Variants in EHMT1 observed in about 807,000 individuals in gnomAD.
EHMT1 encodes the protein histone-lysine N-methyltransferase EHMT1.
In EHMT1, 15 loss-of-function variants were observed where a neutral mutation model predicts 147.2. The ratio of observed to expected loss-of-function variants is 0.10; its 90% CI spans 0.07 to 0.16. The LOEUF (loss-of-function observed/expected upper bound fraction) is 0.16, where lower values mean the gene tolerates loss of function less well. Ranked by LOEUF, EHMT1 falls within the 10% of genes least tolerant of loss-of-function variation. EHMT1 has a pLI of 1.00. For synonymous variants in EHMT1, 795 were observed against 709.6 expected (o/e 1.12, Z -1.91); for missense variants, 1,587 against 1,772.4 (o/e 0.90, Z 1.88).
intron 19 of EHMT1, among the ~76,000 whole-genome samples, chr9:137,811,860 A>C (rs1334338545): frequency 6.6e-6 from 1 of 152,134 alleles, no homozygotes; most frequent in Non-Finnish European, 1.5e-5. Context: ...CCCAAGTTGG[A>C]GTCTCAGACC....
chr9:137,811,686 A>T, intron 19 of EHMT1, 71 bp downstream of exon 19: 1 of 1,590,892 alleles, frequency 6.3e-7, no homozygotes, highest in Admixed American at 1.7e-5. Flanking sequence ...ACCGCTTGAC[A>T]GTCTTGTGTT....
intron 1 of EHMT1, among the ~76,000 whole-genome samples, chr9:137,637,118 C>T (rs916986348): frequency 2.0e-5 from 3 of 151,896 alleles, no homozygotes; most frequent in South Asian, 2.1e-4. Flanking sequence ...AGGATGGTCT[C>T]GATCTCCTGA....
intron 5 of EHMT1, 94 bp from the exon 6 acceptor site, chr9:137,743,808 C>G: frequency 6.9e-7 from 1 of 1,445,076 alleles, no homozygotes; most frequent in South Asian, 1.3e-5. Context: ...CAGGCCCTTG[C>G]ACCTCCCAGT....
chr9:137,678,976 T>C (rs978676338), intron 1 of EHMT1, among the ~76,000 whole-genome samples: 3 of 152,088 alleles, frequency 2.0e-5, no homozygotes, highest in Non-Finnish European at 4.4e-5. Flanking sequence ...TTTTTTGAGA[T>C]GGAGTCTGGC....
intron 18 of EHMT1, among the ~76,000 whole-genome samples, chr9:137,805,512 G>A (rs1953873765): frequency 6.6e-6 from 1 of 152,208 alleles, no homozygotes; most frequent in South Asian, 2.1e-4. Context: ...GGCAAGTACT[G>A]TCCTTTCTTG....
intron 25 of EHMT1, among the ~76,000 whole-genome samples, chr9:137,822,860 T>C (rs1167053527): frequency 4.0e-5 from 6 of 149,072 alleles, no homozygotes; most frequent in Non-Finnish European, 5.9e-5. Flanking sequence ...GCCATTGCAC[T>C]GTAGGCCTGG....
chr9:137,749,219 T>C (rs192343705), intron 6 of EHMT1, among the ~76,000 whole-genome samples: 1 of 152,330 alleles, frequency 6.6e-6, no homozygotes, highest in African/African-American at 2.4e-5. Context: ...CCTGTTTCAC[T>C]TGGGTGTCAG....
At position 137,732,604 on chromosome 9, in the gene EHMT1, A is replaced by T. The variant is rs1277752376; in HGVS notation, c.823+4075A>T. On this transcript the variant is annotated intron_variant, in intron 4 of 26. Coordinates refer to ENST00000460843, the MANE Select transcript of EHMT1 (RefSeq NM_024757.5). The surrounding 1 kb of genome is among the most constrained non-coding windows in gnomAD (Gnocchi z 4.6). ...TGGTCCATGGGTAGGTCTGGAAAAA[A>T]CACCATTTGATTGGCTAAAAGGCAT... Among the ~76,000 whole-genome samples, 1 of 152,098 alleles carries T rather than the reference A, an allele frequency of 6.6e-6. No individual in the cohort carries two copies. Among genetic ancestry groups the T allele is most frequent in the African/African-American group, 2.4e-5 (1 of 41,414 alleles).
At chr9:137,643,780 C>T (rs1255181696) in intron 1 of EHMT1, among the ~76,000 whole-genome samples, 2 of 152,186 alleles carry the variant, frequency 1.3e-5, no homozygotes, top group Non-Finnish European at 2.9e-5. Context: ...TTGAGAGTCT[C>T]TGTCTGTGGT....
At chr9:137,729,648 C>T (rs913419086) in intron 4 of EHMT1, among the ~76,000 whole-genome samples, 2 of 152,078 alleles carry the variant, frequency 1.3e-5, no homozygotes, top group African/African-American at 2.4e-5. Flanking sequence ...TTGCAAAATT[C>T]TACGAATAAG....
rs998861740 is a variant in EHMT1 at position 137,782,926 on chromosome 9, C to T, written c.2382+529C>T. 7.2e-5 allele frequency among the ~76,000 whole-genome samples: 11 copies of T among 152,362 alleles called. No homozygotes were observed. The highest frequency in any genetic ancestry group is 1.3e-4 in the Non-Finnish European group (9 of 68,036). The stretch of plus-strand genomic sequence containing the variant: ...CCGCTTGTCTCTGGGTTCAGACACA[C>T]GACGCTGTTTGTCCCCCTGTGACGC... On this transcript the variant is annotated intron_variant, in intron 15 of 26. Transcript: ENST00000460843. This position sits in a 1 kb window ranked among gnomAD's most constrained non-coding sequence, Gnocchi z 5.7.
intron 19 of EHMT1, among the ~76,000 whole-genome samples, chr9:137,811,871 T>A (rs769602750): frequency 6.6e-6 from 1 of 152,208 alleles, no homozygotes; most frequent in Non-Finnish European, 1.5e-5. Context: ...GTCTCAGACC[T>A]GATACTCCTC....
At chr9:137,668,497 C>A (rs1360130967) in intron 1 of EHMT1, among the ~76,000 whole-genome samples, 1 of 152,202 alleles carries the variant, frequency 6.6e-6, no homozygotes, top group Non-Finnish European at 1.5e-5. Flanking sequence ...TAATGACTTA[C>A]TATATACCAG....
chr9:137,774,731 C>T (rs1227407322), intron 10 of EHMT1, among the ~76,000 whole-genome samples: 5 of 122,132 alleles, frequency 4.1e-5, no homozygotes, highest in African/African-American at 6.6e-5. Flanking sequence ...GGTATGGTCG[C>T]GCCTGGCCCC....
intron 1 of EHMT1, among the ~76,000 whole-genome samples, chr9:137,666,820 C>G (rs1053750539): frequency 6.6e-6 from 1 of 152,178 alleles, no homozygotes; most frequent in South Asian, 2.1e-4. Flanking sequence ...TAAGCAATTC[C>G]ACAGAAAATA....
intron 25 of EHMT1, among the ~76,000 whole-genome samples, chr9:137,822,960 C>T (rs866208443): frequency 4.0e-5 from 6 of 151,280 alleles, no homozygotes; most frequent in Admixed American, 2.0e-4. Flanking sequence ...GATGGAGTTT[C>T]GCTCTTGTCG....
At chr9:137,644,026 A>C (rs371102054) in intron 1 of EHMT1, among the ~76,000 whole-genome samples, 165 of 152,298 alleles carry the variant, frequency 1.1e-3, no homozygotes, top group African/African-American at 3.7e-3. Context: ...AAGGGACAGC[A>C]CTTGAGGGCC....
chr9:137,828,330 T>TG lies in EHMT1; in HGVS notation c.3541-6013dup, dbSNP rs1413504349. 7.8e-6 allele frequency among the ~76,000 whole-genome samples: 1 copy of TG among 128,134 alleles called. No homozygotes were observed. Among genetic ancestry groups the TG allele is most frequent in the Non-Finnish European group, 1.7e-5 (1 of 58,144 alleles). The allele number at this position is 128,134 out of a possible 152,430, so 84.1% of individuals were successfully genotyped here. A position where few individuals can be genotyped will look rare whatever the true frequency, so the allele number is the denominator to read the frequency against. On this transcript the variant is annotated intron_variant, in intron 25 of 26. Coordinates refer to ENST00000460843, the MANE Select transcript of EHMT1 (RefSeq NM_024757.5). This position sits in a 1 kb window ranked among gnomAD's most constrained non-coding sequence, Gnocchi z 5.3. The stretch of plus-strand genomic sequence containing the variant: ...AAGATGCCCTGGACATGCCCTGGGG[T>TG]GGGGGGTGGGGGGCAGCACATGCCA...
At chr9:137,677,343 C>T (rs1283266699) in intron 1 of EHMT1, among the ~76,000 whole-genome samples, 1 of 152,076 alleles carries the variant, frequency 6.6e-6, no homozygotes, top group Non-Finnish European at 1.5e-5. Flanking sequence ...CCATGTTGCC[C>T]AGGCTGGTCT....
Sources: gnomAD v4.1 joint callset for allele counts (sites outside exome capture counted in the v4.1 genomes callset) on GRCh38, gnomAD v4.1.1 for gene constraint, Gnocchi (gnomAD v3.1) non-coding constraint, MANE v1.5 for transcripts, NCBI Gene and HGNC (gene_info 2026-07-23, HGNC 2026-07-21) for gene names.